The following CYP39A1 variants were observed in gnomAD, a reference collection of about 807,000 sequenced individuals.
CYP39A1 encodes cytochrome P450 family 39 subfamily A member 1.
A neutral mutation model predicts 58.1 loss-of-function variants in CYP39A1; 49 were observed. The observed-to-expected ratio is 0.84, with a 90% CI of 0.67 to 1.07. The LOEUF (loss-of-function observed/expected upper bound fraction) is 1.07, where lower values mean the gene tolerates loss of function less well. CYP39A1 is among the 50% of genes least tolerant of loss of function. The pLI, the probability that CYP39A1 is intolerant of heterozygous loss-of-function variation, is 0.00. For missense variants in CYP39A1, 531 were observed against 539.4 expected, an observed-to-expected ratio of 0.98 and a Z score of 0.16; for synonymous variants, 209 against 187.6, an observed-to-expected ratio of 1.11 and a Z score of -0.93.
At chr6:46,583,533 A>G in intron 10 of CYP39A1, 1 of 985,388 alleles carries the variant, frequency 1.0e-6, no homozygotes, top group African/African-American at 1.7e-5. Flanking sequence ...GCAAGCTACA[A>G]TTTCTGAAGA....
chr6:46,582,730 A>G (rs913009367), intron 10 of CYP39A1, among the ~76,000 whole-genome samples: 65 of 151,612 alleles, frequency 4.3e-4, no homozygotes, highest in African/African-American at 1.6e-3. Flanking sequence ...CCCCAACCAC[A>G]TTATAACCAA....
At chr6:46,614,453 C>T (rs954788530) in intron 7 of CYP39A1, among the ~76,000 whole-genome samples, 2 of 152,154 alleles carry the variant, frequency 1.3e-5, no homozygotes, top group African/African-American at 2.4e-5. Context: ...TCTCTTTTCA[C>T]CTGACTTTCT....
At chr6:46,585,980 T>G (rs1403258940) in intron 10 of CYP39A1, among the ~76,000 whole-genome samples, 1 of 152,094 alleles carries the variant, frequency 6.6e-6, no homozygotes, top group Non-Finnish European at 1.5e-5. Context: ...TTTGGCCAGT[T>G]TAGCTCAACT....
chr6:46,597,036 G>A (rs1346465061), intron 7 of CYP39A1, among the ~76,000 whole-genome samples: 1 of 152,102 alleles, frequency 6.6e-6, no homozygotes, highest in Non-Finnish European at 1.5e-5. Flanking sequence ...CTCCAGCCAT[G>A]TCTCTCTTTG....
intron 5 of CYP39A1, among the ~76,000 whole-genome samples, chr6:46,635,824 A>C (rs1031204573): frequency 1.3e-5 from 2 of 152,028 alleles, no homozygotes; most frequent in Non-Finnish European, 2.9e-5. Context: ...CGGCCCCCCA[A>C]AGTGCTGGGA....
chr6:46,553,853 A>T lies in CYP39A1; in HGVS notation c.1252T>A (p.Trp418Arg), dbSNP rs762902999. ...ATCTGAACCTCTAACAGAGCAAACCACCTGGAAGAAACGAATAAAATTGTT... is the reference window on the plus strand; with the variant it reads ...ATCTGAACCTCTAACAGAGCAAACCTCCTGGAAGAAACGAATAAAATTGTT... ...GSGKFQCPAR[W>R]FALLEVQMCI... is the part of the protein sequence containing the mutation. The change falls in exon 11 of 12, where the codon TGG (tryptophan) becomes AGG (arginine). Residue 418 changes from tryptophan (W) to arginine (R), a missense_variant and splice_region_variant. Coordinates refer to ENST00000275016, the MANE Select transcript of CYP39A1 (RefSeq NM_016593.5). The T allele has an allele frequency of 6.3e-7, 1 of 1,582,594 alleles. No homozygotes were observed. Among genetic ancestry groups the T allele is most frequent in the Non-Finnish European group, 8.6e-7 (1 of 1,161,978 alleles).
At chr6:46,644,280 T>C (rs1047330743) in intron 1 of CYP39A1, among the ~76,000 whole-genome samples, 1 of 152,236 alleles carries the variant, frequency 6.6e-6, no homozygotes, top group African/African-American at 2.4e-5. Context: ...TCTCTGAATG[T>C]TCATCCAAAT....
At chr6:46,554,072 A>G (rs1487328899) in intron 10 of CYP39A1, among the ~76,000 whole-genome samples, 2 of 152,240 alleles carry the variant, frequency 1.3e-5, no homozygotes, top group African/African-American at 4.8e-5. Flanking sequence ...AAATGTATAT[A>G]AAGTGCTGAG....
chr6:46,567,734 A>G (rs938160510), intron 10 of CYP39A1, among the ~76,000 whole-genome samples: 2 of 152,194 alleles, frequency 1.3e-5, no homozygotes, highest in Admixed American at 6.6e-5. Context: ...TATATAAGGA[A>G]TAGAACTGCA....
At position 46,598,821 on chromosome 6, in the gene CYP39A1, T is replaced by G. The variant is rs553403600; in HGVS notation, c.932-2701A>C. The stretch of plus-strand genomic sequence containing the variant: ...ATGTTAAAATGAGAAATCCTGAGGT[T>G]CTAATTTTTGAATTAGTTTATGAAT... On this transcript the variant is annotated intron_variant, in intron 7 of 11. Transcript: ENST00000275016. 5.3e-5 allele frequency among the ~76,000 whole-genome samples: 8 copies of G among 152,318 alleles called. No individual in the cohort carries two copies. In the South Asian group the frequency reaches 1.7e-3, roughly 32 times the overall value.
rs377291903 is a variant in CYP39A1, at chr6:46,641,002, T to C, written c.313+1161A>G. On this transcript the variant is annotated intron_variant, in intron 2 of 11. Coordinates refer to ENST00000275016, the MANE Select transcript of CYP39A1 (RefSeq NM_016593.5). Reference sequence around the variant, plus strand: ...CTACTATACATATACTATGCTGGTATGTATAGTATGCTACTATACATCTTC... The same window carrying C: ...CTACTATACATATACTATGCTGGTACGTATAGTATGCTACTATACATCTTC... Among the ~76,000 whole-genome samples, 28 of 152,252 alleles carry C rather than the reference T, an allele frequency of 1.8e-4. No individual in the cohort carries two copies. In the East Asian group the frequency reaches 5.0e-3, roughly 27 times the overall value.
chr6:46,553,919 A>C, intron 10 of CYP39A1, 65 bp from the exon 11 acceptor site: 1 of 1,007,686 alleles, frequency 9.9e-7, no homozygotes, highest in Non-Finnish European at 1.5e-6. Flanking sequence ...CCAACAGAGA[A>C]TATCTAGAAA....
chr6:46,582,597 C>T (rs1411442063), intron 10 of CYP39A1, among the ~76,000 whole-genome samples: 3 of 151,988 alleles, frequency 2.0e-5, no homozygotes, highest in African/African-American at 2.4e-5. Context: ...AAAGCCTTTT[C>T]TAATCCCCCT....
intron 6 of CYP39A1, 117 bp from the exon 7 acceptor site, chr6:46,625,625 G>C (rs921762216): frequency 2.2e-5 from 13 of 600,240 alleles, no homozygotes; most frequent in Admixed American, 6.3e-5. Flanking sequence ...TTAACCTTAA[G>C]AGCACATTAG....
At chr6:46,575,638 A>C (rs1335888989) in intron 10 of CYP39A1, among the ~76,000 whole-genome samples, 1 of 152,114 alleles carries the variant, frequency 6.6e-6, no homozygotes, top group Non-Finnish European at 1.5e-5. Context: ...GGGGCCCACC[A>C]CTGCCCTGCC....
At chr6:46,624,310 A>G (rs1775166165) in intron 7 of CYP39A1, among the ~76,000 whole-genome samples, 2 of 152,184 alleles carry the variant, frequency 1.3e-5, no homozygotes. Flanking sequence ...ATTTGTAGAC[A>G]TGTGGGCATG....
intron 1 of CYP39A1, among the ~76,000 whole-genome samples, chr6:46,645,647 T>A (rs1762275905): frequency 6.6e-6 from 1 of 152,130 alleles, no homozygotes; most frequent in African/African-American, 2.4e-5. Context: ...TTTTATGTAT[T>A]TTAGTTTCTT....
chr6:46,640,096 G>A (rs997010457), intron 2 of CYP39A1, among the ~76,000 whole-genome samples: 12 of 152,148 alleles, frequency 7.9e-5, no homozygotes, highest in African/African-American at 2.9e-4. Flanking sequence ...GGGTGACAGA[G>A]AGAGACTTTA....
At chr6:46,633,873 T>A (rs1220188897) in intron 5 of CYP39A1, among the ~76,000 whole-genome samples, 2 of 150,820 alleles carry the variant, frequency 1.3e-5, no homozygotes, top group African/African-American at 4.9e-5. Context: ...GAAAAAAAAA[T>A]GCCACTGCCA....
Sources: allele counts gnomAD v4.1 joint callset (sites outside exome capture counted in the v4.1 genomes callset), GRCh38; gene constraint gnomAD v4.1.1; transcripts MANE v1.5; gene names NCBI Gene and HGNC (gene_info 2026-07-23, HGNC 2026-07-21).